Variants in EPB41 observed in about 807,000 individuals in gnomAD.
EPB41 encodes erythrocyte membrane protein band 4.1.
Under a neutral mutation model 108.0 loss-of-function variants are expected in EPB41, and 65 were observed. The ratio of observed to expected loss-of-function variants is 0.60; its 90% CI spans 0.49 to 0.74. The LOEUF is 0.74. Among genes scored for constraint, EPB41 ranks in the 30% least tolerant of loss-of-function variants. The probability of loss-of-function intolerance (pLI) is 0.00; values close to 1 mark genes in which losing one functional copy is unlikely to be tolerated. For missense variants in EPB41, 875 were observed against 1,037.0 expected, an observed-to-expected ratio of 0.84 and a Z score of 2.15; for synonymous variants, 336 against 358.9, an observed-to-expected ratio of 0.94 and a Z score of 0.72.
chr1:28,994,933 T>G (rs2096129028), intron 3 of EPB41, among the ~76,000 whole-genome samples: 1 of 150,918 alleles, frequency 6.6e-6, no homozygotes, highest in African/African-American at 2.4e-5. Context: ...GTACTAAGAT[T>G]ATAGGCATGA....
At chr1:29,103,376 T>C (rs946720633) in intron 17 of EPB41, among the ~76,000 whole-genome samples, 2 of 152,224 alleles carry the variant, frequency 1.3e-5, no homozygotes, top group African/African-American at 2.4e-5. Flanking sequence ...CAGCGTGATA[T>C]TCTTGACAGA....
chr1:29,030,786 AAGAG>A (rs987046940), intron 8 of EPB41, among the ~76,000 whole-genome samples: 1 of 151,734 alleles, frequency 6.6e-6, no homozygotes, highest in Non-Finnish European at 1.5e-5. Flanking sequence ...AAAAAAAAAA[AAGAG>A]AGAGAAATAG....
intron 5 of EPB41, among the ~76,000 whole-genome samples, chr1:29,012,216 G>C (rs560318357): frequency 1.2e-4 from 18 of 152,218 alleles, no homozygotes; most frequent in Non-Finnish European, 2.4e-4. Context: ...AAAAGAAAAA[G>C]GATATGGGAG....
chr1:29,039,388 G>A lies in EPB41; in HGVS notation c.1598G>A (p.Arg533His), dbSNP rs372946232. 19 of 1,613,908 alleles carry A rather than the reference G, an allele frequency of 1.2e-5. No individual in the cohort carries two copies. Among genetic ancestry groups the A allele is most frequent in the South Asian group, 9.9e-5 (9 of 91,066 alleles). Residue 533 changes from arginine to histidine, a missense_variant, in exon 11 of 21, where the codon CGT becomes CAT. By Grantham distance (29) the Arg-to-His change is conservative. This residue lies in a region of EPB41 where 519 missense variants were observed against 627.3 expected (regional missense o/e 0.83). Transcript: ENST00000343067. ...LIDRPAPHFE[R>H]TASKRASRSL... ...GACAGGCCTGCCCCACACTTCGAGC[G>A]TACAGCAAGTAAACGGGCGTCCCGG...
intron 11 of EPB41, among the ~76,000 whole-genome samples, chr1:29,044,335 T>C (rs1642515071): frequency 6.6e-6 from 1 of 152,256 alleles, no homozygotes; most frequent in Non-Finnish European, 1.5e-5. Context: ...CATGGTTATA[T>C]AGATACTATG....
intron 3 of EPB41, 120 bp downstream of exon 3, chr1:28,993,662 T>TC (rs1320031849): frequency 6.8e-6 from 6 of 883,078 alleles, no homozygotes; most frequent in Admixed American, 2.7e-5. Flanking sequence ...TTTTTCTTTT[T>TC]TTTTTTTTTT....
intron 1 of EPB41, among the ~76,000 whole-genome samples, chr1:28,983,604 G>T (rs1285421496): frequency 6.6e-6 from 1 of 152,192 alleles, no homozygotes; most frequent in Admixed American, 6.5e-5. Flanking sequence ...CTTGTGGGAA[G>T]GAGCGTGCGA....
chr1:29,038,630 G>T (rs1640364855), intron 10 of EPB41, among the ~76,000 whole-genome samples: 1 of 152,136 alleles, frequency 6.6e-6, no homozygotes, highest in South Asian at 2.1e-4. Context: ...AATAAGCCAT[G>T]GTCTTTGTTC....
intron 1 of EPB41, among the ~76,000 whole-genome samples, chr1:28,933,890 C>T (rs2093867291): frequency 6.6e-6 from 1 of 152,060 alleles, no homozygotes; most frequent in Non-Finnish European, 1.5e-5. Context: ...GCAGTTTCCT[C>T]TATTATTAAT....
At chr1:28,997,145 C>G (rs2096198729) in intron 3 of EPB41, 70 bp from the exon 4 acceptor site, 2 of 1,146,336 alleles carry the variant, frequency 1.7e-6, no homozygotes, top group Non-Finnish European at 2.6e-6. Context: ...GAGTGAATCC[C>G]CATCTCTTTT....
intron 4 of EPB41, among the ~76,000 whole-genome samples, chr1:28,999,982 G>C (rs746066269): frequency 7.9e-5 from 12 of 152,082 alleles, no homozygotes; most frequent in Non-Finnish European, 1.5e-4. Context: ...TAGAGACAGG[G>C]CCTCACTATG....
At chr1:28,994,644 T>TATTG (rs2096120027) in intron 3 of EPB41, among the ~76,000 whole-genome samples, 1 of 147,832 alleles carries the variant, frequency 6.8e-6, no homozygotes, top group South Asian at 2.1e-4. Flanking sequence ...TTTATTTATT[T>TATTG]ATTTATTTAT....
At chr1:29,026,168 G>A (rs2096716310) in intron 7 of EPB41, among the ~76,000 whole-genome samples, 1 of 152,194 alleles carries the variant, frequency 6.6e-6, no homozygotes, top group Admixed American at 6.5e-5. Context: ...ACATACAGTA[G>A]GGGTTTGTGG....
At chr1:29,040,990 G>A (rs1262626174) in intron 11 of EPB41, among the ~76,000 whole-genome samples, 1 of 151,908 alleles carries the variant, frequency 6.6e-6, no homozygotes, top group African/African-American at 2.4e-5. Flanking sequence ...ACAAAAATCA[G>A]CTGGGCATGG....
At chr1:29,076,011 T>C (rs984679844) in intron 16 of EPB41, among the ~76,000 whole-genome samples, 2 of 152,218 alleles carry the variant, frequency 1.3e-5, no homozygotes, top group Non-Finnish European at 2.9e-5. Context: ...ATATAAATCA[T>C]TCATATATTA....
chr1:28,935,917 CAA>C (rs35063100), intron 1 of EPB41, among the ~76,000 whole-genome samples: 2,279 of 119,668 alleles, frequency 0.019, 56 homozygotes, highest in African/African-American at 0.055. Context: ...GACTCTGTTT[CAA>C]AAAAAAAAAA....
intron 1 of EPB41, among the ~76,000 whole-genome samples, chr1:28,950,157 AAGGT>A (rs1429407822): frequency 6.6e-6 from 1 of 152,128 alleles, no homozygotes; most frequent in African/African-American, 2.4e-5. Context: ...AAGTTTCTCT[AAGGT>A]AGATACTTAG....
At chr1:29,011,756 C>A (rs112282177) in intron 4 of EPB41, 109 bp from the exon 5 acceptor site, 1 of 1,161,456 alleles carries the variant, frequency 8.6e-7, no homozygotes, top group Non-Finnish European at 1.2e-6. Flanking sequence ...AAAGGAAATG[C>A]AGGTTGATCT....
chr1:29,114,861 G>C (rs926472996), intron 19 of EPB41, among the ~76,000 whole-genome samples: 1 of 152,038 alleles, frequency 6.6e-6, no homozygotes, highest in Non-Finnish European at 1.5e-5. Context: ...TAAGTAATAA[G>C]TAATGTACTT....
Sources: allele counts gnomAD v4.1 joint callset (sites outside exome capture counted in the v4.1 genomes callset), GRCh38; gene constraint gnomAD v4.1.1; regional missense constraint gnomAD v4.1.1; transcripts MANE v1.5; gene names NCBI Gene and HGNC (gene_info 2026-07-23, HGNC 2026-07-21).